HMGA2: variants seen among roughly 807,000 people sequenced by gnomAD.
The protein encoded by HMGA2 is high mobility group AT-hook 2.
A neutral mutation model predicts 19.1 loss-of-function variants in HMGA2; 8 were observed. The ratio of observed to expected loss-of-function variants is 0.42; its 90% CI spans 0.25 to 0.76. The LOEUF is 0.76. HMGA2 is among the 30% of genes least tolerant of loss of function. The probability of loss-of-function intolerance (pLI) is 0.28; values close to 1 mark genes in which losing one functional copy is unlikely to be tolerated. For synonymous variants in HMGA2, 60 were observed against 48.8 expected (o/e 1.23, Z -0.96); for missense variants, 109 against 136.3 (o/e 0.80, Z 1.00).
intron 3 of HMGA2, among the ~76,000 whole-genome samples, chr12:65,910,844 A>C (rs922553935): frequency 2.8e-4 from 42 of 152,218 alleles, no homozygotes; most frequent in African/African-American, 9.2e-4. Context: ...CCTTTGTTCC[A>C]AGCGTTGACT....
intron 3 of HMGA2, among the ~76,000 whole-genome samples, chr12:65,940,701 A>G (rs1393499122): frequency 6.6e-6 from 1 of 152,274 alleles, no homozygotes; most frequent in Non-Finnish European, 1.5e-5. Context: ...GAAGGGAAAA[A>G]GATGTGGAGC....
At chr12:65,942,040 A>G (rs1165827834) in intron 3 of HMGA2, among the ~76,000 whole-genome samples, 1 of 152,226 alleles carries the variant, frequency 6.6e-6, no homozygotes, top group East Asian at 1.9e-4. Context: ...GGGACTTTCA[A>G]GTATATTGCC....
At chr12:65,852,720 A>G (rs1871537030) in intron 3 of HMGA2, among the ~76,000 whole-genome samples, 2 of 152,182 alleles carry the variant, frequency 1.3e-5, no homozygotes. Flanking sequence ...TCACAGAGAC[A>G]TATCAAAAGA....
chr12:65,875,423 C>CTGTT lies in HMGA2; in HGVS notation c.249+36868_249+36871dup, dbSNP rs561347016. On this transcript the variant is annotated intron_variant, in intron 3 of 4. Coordinates refer to ENST00000403681, the MANE Select transcript of HMGA2 (RefSeq NM_003483.6). The stretch of plus-strand genomic sequence containing the variant: ...CAGATTTTCATATATTCAGTTTTGT[C>CTGTT]TGTTTGTTTGTTTGTTTTGAGACAA... Among the ~76,000 whole-genome samples the CTGTT allele has an allele frequency of 2.4e-3, 358 of 151,350 alleles. 3 individuals are homozygous for CTGTT. Among genetic ancestry groups the CTGTT allele is most frequent in the African/African-American group, 8.0e-3 (329 of 41,356 alleles).
At chr12:65,906,820 T>C (rs537966599) in intron 3 of HMGA2, among the ~76,000 whole-genome samples, 12 of 152,336 alleles carry the variant, frequency 7.9e-5, no homozygotes, top group African/African-American at 2.9e-4. Flanking sequence ...TTGTTTAGAT[T>C]GTACGTTCTT....
At chr12:65,936,479 A>G (rs1444267284) in intron 3 of HMGA2, among the ~76,000 whole-genome samples, 1 of 152,108 alleles carries the variant, frequency 6.6e-6, no homozygotes, top group Non-Finnish European at 1.5e-5. Flanking sequence ...TCCAAACGCC[A>G]CAGAAACGGC....
intron 3 of HMGA2, among the ~76,000 whole-genome samples, chr12:65,882,859 C>T (rs187154202): frequency 1.9e-4 from 29 of 152,242 alleles, no homozygotes; most frequent in African/African-American, 6.7e-4. Context: ...TTTTTTAAAA[C>T]AAGGCTGCTT....
chr12:65,929,630 G>A (rs969824453), intron 3 of HMGA2, among the ~76,000 whole-genome samples: 32 of 152,082 alleles, frequency 2.1e-4, no homozygotes, highest in African/African-American at 7.7e-4. Context: ...CATCTATAAA[G>A]AGATGTATAT....
intron 3 of HMGA2, among the ~76,000 whole-genome samples, chr12:65,893,035 G>A (rs571641429): frequency 1.0e-3 from 154 of 152,232 alleles, no homozygotes; most frequent in Middle Eastern, 3.4e-3. Flanking sequence ...CTTCCTCTGC[G>A]AGTGTGTCTA....
At chr12:65,885,444 T>A (rs1873615064) in intron 3 of HMGA2, among the ~76,000 whole-genome samples, 1 of 152,212 alleles carries the variant, frequency 6.6e-6, no homozygotes. Flanking sequence ...TTTATTAATA[T>A]CCTTGTAGAT....
intron 3 of HMGA2, among the ~76,000 whole-genome samples, chr12:65,904,422 C>G (rs140077046): frequency 7.4e-4 from 113 of 152,320 alleles, no homozygotes; most frequent in African/African-American, 2.5e-3. Flanking sequence ...TGTTTTTCCA[C>G]AGTAGAAAGC....
At chr12:65,886,042 C>A (rs111477823) in intron 3 of HMGA2, among the ~76,000 whole-genome samples, 9,090 of 152,198 alleles carry the variant, frequency 0.06, 351 homozygotes, top group Middle Eastern at 0.16. Context: ...TATGGAGTAG[C>A]CATTCTTGTA....
chr12:65,931,893 C>T (rs537173143), intron 3 of HMGA2, among the ~76,000 whole-genome samples: 16 of 152,028 alleles, frequency 1.1e-4, no homozygotes, highest in Admixed American at 3.3e-4. Flanking sequence ...CCAGCCTGGG[C>T]GATAGAGCAA....
chr12:65,899,043 CAAAAAAAAAAAAAAA>C (rs751128412), intron 3 of HMGA2, among the ~76,000 whole-genome samples: 3 of 25,328 alleles, frequency 1.2e-4, no homozygotes, highest in African/African-American at 2.7e-4. Context: ...GACTCCGTCT[CAAAAAAAAAAAAAAA>C]AAAAAAAAAA....
chr12:65,834,506 C>T (rs1870617681), intron 2 of HMGA2, among the ~76,000 whole-genome samples: 1 of 151,584 alleles, frequency 6.6e-6, no homozygotes, highest in African/African-American at 2.4e-5. Flanking sequence ...TTCCTTTCCT[C>T]TTGCCCTCCC....
At chr12:65,887,233 G>T (rs540612032) in intron 3 of HMGA2, among the ~76,000 whole-genome samples, 1 of 152,280 alleles carries the variant, frequency 6.6e-6, no homozygotes, top group Admixed American at 6.5e-5. Flanking sequence ...CCTTATCTTG[G>T]CTATTCTTTT....
intron 3 of HMGA2, chr12:65,881,430 C>T (rs1873378684): frequency 1.0e-5 from 4 of 396,964 alleles, no homozygotes; most frequent in Non-Finnish European, 1.4e-5. Flanking sequence ...TGCTTGCTGG[C>T]CAGGATATGT....
chr12:65,825,011 A>AC lies in HMGA2; in HGVS notation c.-258dup. 2.4e-6 allele frequency: 1 copy of AC among 412,916 alleles called. No homozygotes were observed. The highest frequency in any genetic ancestry group is 4.3e-6 in the Non-Finnish European group (1 of 232,568). 25.6% of individuals were successfully genotyped at this position (412,916 alleles called of 1,614,324 possible). A position where few individuals can be genotyped will look rare whatever the true frequency, so the allele number is the denominator to read the frequency against. On this transcript the variant is annotated 5_prime_UTR_variant, in exon 1 of 5. Coordinates refer to ENST00000403681, the MANE Select transcript of HMGA2 (RefSeq NM_003483.6). The surrounding 1 kb of genome is among the most constrained non-coding windows in gnomAD (Gnocchi z 4.4). ...CCACCTCCACCTCCGGCACCCACCC[A>AC]CCGCCGCCGCCGCCACCGGCAGCGC...
intron 3 of HMGA2, among the ~76,000 whole-genome samples, chr12:65,919,600 C>T (rs1302662018): frequency 1.3e-5 from 2 of 152,140 alleles, no homozygotes; most frequent in African/African-American, 2.4e-5. Context: ...GTAAATCTGC[C>T]ATTTTCTCAC....
Sources: gnomAD v4.1 joint callset for allele counts (sites outside exome capture counted in the v4.1 genomes callset) on GRCh38, gnomAD v4.1.1 for gene constraint, Gnocchi (gnomAD v3.1) non-coding constraint, MANE v1.5 for transcripts, NCBI Gene and HGNC (gene_info 2026-07-23, HGNC 2026-07-21) for gene names.